Variants in BLTP1 observed in about 807,000 individuals in gnomAD.
The protein encoded by BLTP1 is bridge-like lipid transfer protein family member 1, also known as fragile site-associated protein.
At chr4:122,281,973 A>T in the BLTP1 span, 1 of 984,722 alleles carries the variant, frequency 1.0e-6, no homozygotes, top group Non-Finnish European at 1.2e-6. Flanking sequence ...GACCAGAATG[A>T]ACTCTTTTGA....
the BLTP1 span, chr4:122,350,130 A>C: frequency 1.6e-5 from 25 of 1,543,428 alleles, no homozygotes; most frequent in African/African-American, 3.4e-4. Flanking sequence ...AATATGTTAC[A>C]TTTTTAATTT....
At chr4:122,348,159 A>G in the BLTP1 span, among the ~76,000 whole-genome samples, 4 of 152,182 alleles carry the variant, frequency 2.6e-5, no homozygotes, top group Non-Finnish European at 4.4e-5. Flanking sequence ...GTCCATAAGA[A>G]CACAAAAGAC....
the BLTP1 span, chr4:122,356,811 T>C: frequency 6.4e-7 from 1 of 1,572,658 alleles, no homozygotes; most frequent in Non-Finnish European, 8.6e-7. Context: ...GTCAATGCCA[T>C]TTACATGAAT....
At chr4:122,270,340 A>G in the BLTP1 span, 1 of 984,484 alleles carries the variant, frequency 1.0e-6, no homozygotes, top group Non-Finnish European at 1.2e-6. Context: ...AAGAAGAGGG[A>G]AAAATACCTT....
At chr4:122,333,897 T>C in the BLTP1 span, 20 of 1,473,536 alleles carry the variant, frequency 1.4e-5, no homozygotes, top group East Asian at 5.1e-5. Flanking sequence ...TTTCTCATTA[T>C]ATTAAAATGA....
the BLTP1 span, chr4:122,198,350 T>C: frequency 6.1e-6 from 6 of 985,326 alleles, no homozygotes; most frequent in Non-Finnish European, 7.2e-6. Flanking sequence ...AGAAGCATCT[T>C]TTAGAAAAGC....
chr4:122,295,907 A>G, the BLTP1 span, among the ~76,000 whole-genome samples: 1 of 152,188 alleles, frequency 6.6e-6, no homozygotes, highest in South Asian at 2.1e-4. Flanking sequence ...AAAACTCTCA[A>G]TAAACTAGGT....
the BLTP1 span, chr4:122,167,635 A>G: frequency 3.0e-6 from 3 of 984,610 alleles, no homozygotes; most frequent in Admixed American, 6.2e-5. Context: ...CTTCTCCCCT[A>G]CAAGTGTATG....
the BLTP1 span, chr4:122,186,328 C>A: frequency 3.0e-6 from 2 of 663,708 alleles, no homozygotes; most frequent in Non-Finnish European, 4.4e-6. Context: ...TATTTCTTTG[C>A]AAATTAACTG....
At chr4:122,236,099 C>T in the BLTP1 span, among the ~76,000 whole-genome samples, 1 of 152,082 alleles carries the variant, frequency 6.6e-6, no homozygotes, top group African/African-American at 2.4e-5. Context: ...ATTAATTTAC[C>T]TCTGCCTTTT....
chr4:122,349,210 C>T, the BLTP1 span: 1 of 1,612,694 alleles, frequency 6.2e-7, no homozygotes, highest in East Asian at 2.2e-5. The surrounding 1 kb of genome is among the most constrained non-coding windows in gnomAD (Gnocchi z 4.5). Flanking sequence ...AGGAAGTAAT[C>T]GTGATCGAGA....
the BLTP1 span, chr4:122,325,221 T>C: frequency 6.3e-7 from 1 of 1,592,028 alleles, no homozygotes; most frequent in Non-Finnish European, 8.6e-7. Context: ...ACTTTATATT[T>C]ACTTGCAGTT....
the BLTP1 span, chr4:122,324,653 G>C: frequency 1.3e-6 from 1 of 755,988 alleles, no homozygotes; most frequent in Admixed American, 3.1e-5. Flanking sequence ...AATTTTATTA[G>C]TAAAATAGCA....
the BLTP1 span, chr4:122,183,565 A>G: frequency 4.4e-5 from 43 of 970,498 alleles, no homozygotes; most frequent in African/African-American, 7.2e-4. Flanking sequence ...CCCAGTTAAC[A>G]AGGCTGTTTT....
the BLTP1 span, among the ~76,000 whole-genome samples, chr4:122,360,998 G>C: frequency 6.6e-6 from 1 of 152,180 alleles, no homozygotes; most frequent in Non-Finnish European, 1.5e-5. Context: ...GTAGCTGACT[G>C]AGCTAGGCCA....
At chr4:122,277,699 C>T in the BLTP1 span, 1 of 982,360 alleles carries the variant, frequency 1.0e-6, no homozygotes, top group Non-Finnish European at 1.2e-6. Flanking sequence ...AAATGAAAAG[C>T]AGAAAATGCA....
the BLTP1 span, chr4:122,273,416 C>T: frequency 1.0e-6 from 1 of 983,962 alleles, no homozygotes; most frequent in Non-Finnish European, 1.2e-6. Context: ...AATACAAATA[C>T]ATCAGCCTTC....
chr4:122,237,761 G>A, the BLTP1 span: 1 of 250,708 alleles, frequency 4.0e-6, no homozygotes, highest in Non-Finnish European at 6.3e-6. Context: ...GAGGAGGGCG[G>A]ATCACGAAGT....
At chr4:122,362,048 G>A in the BLTP1 span, 1 of 1,609,114 alleles carries the variant, frequency 6.2e-7, no homozygotes. Flanking sequence ...TCTTGGACTG[G>A]AAGAAAGATT....
Sources: allele counts gnomAD v4.1 joint callset (sites outside exome capture counted in the v4.1 genomes callset), GRCh38; gene constraint gnomAD v4.1.1; non-coding constraint Gnocchi (gnomAD v3.1); transcripts MANE v1.5; gene names NCBI Gene and HGNC (gene_info 2026-07-23, HGNC 2026-07-21).